Variants in COL4A5 observed in about 807,000 individuals in gnomAD.
COL4A5 encodes the protein collagen type IV alpha 5 chain, also known as collagen alpha-5(IV) chain.
A neutral mutation model predicts 130.2 loss-of-function variants in COL4A5; 26 were observed. The observed-to-expected ratio is 0.20, with a 90% CI of 0.15 to 0.28. The LOEUF is 0.28. Among genes scored for constraint, COL4A5 ranks in the 10% least tolerant of loss-of-function variants. COL4A5 has a pLI of 1.00. For synonymous variants in COL4A5, 496 were observed against 439.6 expected (o/e 1.13, Z -1.60); for missense variants, 1,131 against 1,344.3 (o/e 0.84, Z 2.48).
chrX:108,629,711 C>T (rs751265582), intron 36 of COL4A5, among the ~76,000 whole-genome samples: 4 of 111,108 alleles, frequency 3.6e-5, no homozygotes, highest in East Asian at 2.8e-4. Context: ...ATGTGCACAA[C>T]GTGCAGGTTT....
intron 1 of COL4A5, among the ~76,000 whole-genome samples, chrX:108,474,336 G>T (rs748268580): frequency 9.9e-5 from 11 of 110,819 alleles, no homozygotes; most frequent in Non-Finnish European, 1.9e-4. Context: ...TCTATATTTA[G>T]ATATTTCTAG....
At chrX:108,569,975 C>A (rs1419021157) in intron 6 of COL4A5, among the ~76,000 whole-genome samples, 1 of 111,495 alleles carries the variant, frequency 9.0e-6, no homozygotes, top group Non-Finnish European at 1.9e-5. Context: ...CCACCGCGCC[C>A]GGCCAGATCT....
intron 36 of COL4A5, among the ~76,000 whole-genome samples, chrX:108,630,847 G>A (rs1243094985): frequency 8.9e-6 from 1 of 112,097 alleles, no homozygotes; most frequent in Non-Finnish European, 1.9e-5. Flanking sequence ...TGTGAGGAAG[G>A]GATCCAGTTT....
intron 3 of COL4A5, among the ~76,000 whole-genome samples, chrX:108,561,781 C>T (rs1425549961): frequency 3.6e-5 from 4 of 111,785 alleles, no homozygotes; most frequent in Non-Finnish European, 7.5e-5. Context: ...TTTTTTAACA[C>T]TTAACTATAA....
chrX:108,628,451 A>G (rs2147877164), intron 36 of COL4A5, among the ~76,000 whole-genome samples: 1 of 111,378 alleles, frequency 9.0e-6, no homozygotes, highest in Non-Finnish European at 1.9e-5. Flanking sequence ...AATTTAAAAA[A>G]TTTTACCAAT....
intron 1 of COL4A5, among the ~76,000 whole-genome samples, chrX:108,472,074 T>C (rs1348669703): frequency 8.9e-6 from 1 of 111,880 alleles, no homozygotes; most frequent in Non-Finnish European, 1.9e-5. Context: ...TTCTAATTAG[T>C]TTTGTAATTT....
chrX:108,648,696 T>C (rs1248162574), intron 36 of COL4A5, among the ~76,000 whole-genome samples: 1 of 110,269 alleles, frequency 9.1e-6, no homozygotes, highest in Non-Finnish European at 1.9e-5. Context: ...AGCATCACTT[T>C]ACAATTAAAA....
chrX:108,511,876 G>A (rs1330288128), intron 1 of COL4A5, among the ~76,000 whole-genome samples: 1 of 111,769 alleles, frequency 8.9e-6, no homozygotes, highest in Non-Finnish European at 1.9e-5. Flanking sequence ...ATTGGTGGTT[G>A]CCTAGGACTG....
chrX:108,521,203 A>G (rs1184760936), intron 1 of COL4A5, among the ~76,000 whole-genome samples: 1 of 111,447 alleles, frequency 9.0e-6, no homozygotes, highest in Non-Finnish European at 1.9e-5. Context: ...ATGGTCCTAA[A>G]AAGTCTTTCA....
intron 1 of COL4A5, among the ~76,000 whole-genome samples, chrX:108,528,203 C>T (rs2063506311): frequency 8.9e-6 from 1 of 112,173 alleles, no homozygotes; most frequent in Admixed American, 9.4e-5. Flanking sequence ...CCCAGCACAA[C>T]TTCACCACAG....
At chrX:108,511,285 T>C (rs1457506895) in intron 1 of COL4A5, among the ~76,000 whole-genome samples, 2 of 111,897 alleles carry the variant, frequency 1.8e-5, no homozygotes, top group African/African-American at 6.5e-5. Context: ...CATTCCATTA[T>C]CTATATATTA....
At chrX:108,475,995 C>T (rs886962183) in intron 1 of COL4A5, among the ~76,000 whole-genome samples, 3 of 111,174 alleles carry the variant, frequency 2.7e-5, no homozygotes, top group African/African-American at 9.8e-5. Context: ...ATTCACAGGA[C>T]ACCCACTCAC....
At chrX:108,566,240 T>G (rs2065967146) in intron 4 of COL4A5, among the ~76,000 whole-genome samples, 1 of 107,677 alleles carries the variant, frequency 9.3e-6, no homozygotes, top group Non-Finnish European at 1.9e-5. Flanking sequence ...TTCTTCAACT[T>G]TTTTTTTTTT....
In COL4A5 at chrX:108,575,917, C is replaced by G. The variant is rs1488731768; in HGVS notation, c.554C>G (p.Pro185Arg). Residue 185 changes from proline to arginine, a missense_variant, in exon 10 of 53, where the codon CCT becomes CGT. Coordinates refer to ENST00000328300, the MANE Select transcript of COL4A5 (RefSeq NM_033380.3). ...YPGPPGIQGL[P>R]GPTGIPGPIG... Reference sequence around the variant, plus strand: ...TTACTCACTTTATAACAGGGCCTACCTGGTCCCACTGGTATACCAGGGCCA... The same window carrying G: ...TTACTCACTTTATAACAGGGCCTACGTGGTCCCACTGGTATACCAGGGCCA... The G allele has an allele frequency of 5.9e-6, 7 of 1,176,946 alleles. No individual in the cohort carries two copies. Among genetic ancestry groups the G allele is most frequent in the Non-Finnish European group, 6.9e-6 (6 of 868,075 alleles).
chrX:108,666,125 A>G (rs1291274146), intron 38 of COL4A5, among the ~76,000 whole-genome samples: 1 of 110,843 alleles, frequency 9.0e-6, no homozygotes, highest in Non-Finnish European at 1.9e-5. Flanking sequence ...GAGTTAATTC[A>G]AGTGTCCTAG....
chrX:108,487,174 G>A (rs113947810), intron 1 of COL4A5, among the ~76,000 whole-genome samples: 11 of 110,308 alleles, frequency 1.0e-4, no homozygotes, highest in South Asian at 3.9e-4. Flanking sequence ...GGTGATCACC[G>A]GAGGTCAGGA....
chrX:108,606,695 A>T, intron 28 of COL4A5, 47 bp from the exon 29 acceptor site: 2 of 1,201,413 alleles, frequency 1.7e-6, no homozygotes, highest in Non-Finnish European at 2.3e-6. Context: ...ATAAGGACAG[A>T]AAAGTCATGG....
intron 18 of COL4A5, 36 bp downstream of exon 18, chrX:108,584,561 T>G (rs1304936123): frequency 1.8e-6 from 2 of 1,128,828 alleles, no homozygotes; most frequent in East Asian, 3.0e-5. Flanking sequence ...TTTATCAAAT[T>G]TATTAATGCA....
At chrX:108,674,660 T>C (rs2068270807) in intron 42 of COL4A5, 85 bp from the exon 43 acceptor site, 1 of 956,263 alleles carries the variant, frequency 1.0e-6, no homozygotes, top group Middle Eastern at 2.7e-4. Flanking sequence ...GAACCACTTC[T>C]AACTCATAAT....
Sources: gnomAD v4.1 joint callset for allele counts (sites outside exome capture counted in the v4.1 genomes callset) on GRCh38, gnomAD v4.1.1 for gene constraint, MANE v1.5 for transcripts, NCBI Gene and HGNC (gene_info 2026-07-23, HGNC 2026-07-21) for gene names.